Variants in CDH20 observed in about 807,000 individuals in gnomAD.
CDH20 encodes the protein cadherin 20, also known as cadherin-20.
Under a neutral mutation model 74.2 loss-of-function variants are expected in CDH20, and 29 were observed. The observed-to-expected ratio is 0.39, with a 90% confidence interval of 0.29 to 0.53. The LOEUF (loss-of-function observed/expected upper bound fraction) is 0.53, where lower values mean the gene tolerates loss of function less well. Ranked by LOEUF, CDH20 falls within the 20% of genes least tolerant of loss-of-function variation. The pLI, the probability that CDH20 is intolerant of heterozygous loss-of-function variation, is 0.69. For missense variants in CDH20, 988 were observed against 1,048.3 expected, an observed-to-expected ratio of 0.94 and a Z score of 0.79; for synonymous variants, 469 against 405.4, an observed-to-expected ratio of 1.16 and a Z score of -1.88.
intron 1 of CDH20, among the ~76,000 whole-genome samples, chr18:61,431,010 A>G (rs1599080324): frequency 6.6e-6 from 1 of 152,282 alleles, no homozygotes; most frequent in East Asian, 1.9e-4. Context: ...GATAGGAAAT[A>G]TATGTATATA....
chr18:61,433,348 T>G (rs1908721004), intron 1 of CDH20, among the ~76,000 whole-genome samples: 1 of 152,200 alleles, frequency 6.6e-6, no homozygotes, highest in Middle Eastern at 3.2e-3. Context: ...TAAATCTAGA[T>G]CTGTACTATC....
intron 1 of CDH20, among the ~76,000 whole-genome samples, chr18:61,432,471 A>G (rs1259606067): frequency 2.6e-5 from 4 of 152,044 alleles, no homozygotes; most frequent in African/African-American, 9.7e-5. Context: ...AACTCAAAAC[A>G]TGTTGCTAAA....
chr18:61,475,227 G>T (rs906795342), intron 1 of CDH20, among the ~76,000 whole-genome samples: 1 of 152,206 alleles, frequency 6.6e-6, no homozygotes, highest in Non-Finnish European at 1.5e-5. Context: ...ATCTGAGAAA[G>T]ACTTACAAGG....
intron 1 of CDH20, among the ~76,000 whole-genome samples, chr18:61,387,996 C>T (rs1219328134): frequency 6.6e-6 from 1 of 151,622 alleles, no homozygotes; most frequent in Admixed American, 6.6e-5. Flanking sequence ...ATTTAATGTT[C>T]TCTGCCCTTG....
In CDH20 at chr18:61,482,684, G is replaced by A. The variant is rs116310290; in HGVS notation, c.-152-7718G>A. Among the ~76,000 whole-genome samples, 448 of 151,956 alleles carry A rather than the reference G, an allele frequency of 2.9e-3. 5 individuals are homozygous for A. The highest frequency in any genetic ancestry group is 0.01 in the African/African-American group (418 of 41,440). ...ACATATATATATTTTAAATAGAGAC[G>A]GGGTCTTGCCCTGTTGCCCAGGCTG... On this transcript the variant is annotated intron_variant, in intron 1 of 11. Coordinates refer to ENST00000262717, the MANE Select transcript of CDH20 (RefSeq NM_031891.4).
chr18:61,555,081 T>G lies in CDH20; in HGVS notation c.*386T>G. ...GAGATGCCAATTGAAAGCAGAAAGT[T>G]CTACTCTCGTATCTGTTTTTTATCT... On this transcript the variant is annotated 3_prime_UTR_variant, in exon 12 of 12. Transcript: ENST00000262717. 5 of 1,048,774 alleles carry G rather than the reference T, an allele frequency of 4.8e-6. No individual in the cohort carries two copies. The highest frequency in any genetic ancestry group is 5.7e-6 in the Non-Finnish European group (5 of 870,404). 65.0% of individuals were successfully genotyped at this position (1,048,774 alleles called of 1,614,324 possible). A position where few individuals can be genotyped will look rare whatever the true frequency, so the allele number is the denominator to read the frequency against.
At chr18:61,453,552 T>C (rs1425663615) in intron 1 of CDH20, among the ~76,000 whole-genome samples, 1 of 152,226 alleles carries the variant, frequency 6.6e-6, no homozygotes, top group Non-Finnish European at 1.5e-5. Flanking sequence ...GTGCTGAGAT[T>C]ACAGGCGTGA....
At chr18:61,503,444 A>G (rs562733) in intron 5 of CDH20, among the ~76,000 whole-genome samples, 150,689 of 152,344 alleles carry the variant, frequency 0.99, 74,548 homozygotes, top group Middle Eastern at 1. Context: ...GGTAGAACTG[A>G]CCTTTAGTGG....
Position 61,499,823 on chromosome 18 carries a change from G to A in CDH20, c.541+343G>A, listed in dbSNP as rs190774985. Among the ~76,000 whole-genome samples, 184 of 152,218 alleles carry A rather than the reference G, an allele frequency of 1.2e-3. 1 individual carries two copies. The highest frequency in any genetic ancestry group is 4.4e-3 in the Admixed American group (68 of 15,292). ...TCAAAAGAGCAATAGGGTTAGGCGC[G>A]GTGGCTCACGCCTGTAATCCTAGAA... is the stretch of plus-strand genomic sequence containing the variant. On this transcript the variant is annotated intron_variant, in intron 3 of 11. Transcript: ENST00000262717.
chr18:61,434,183 A>C (rs1452871529), intron 1 of CDH20, among the ~76,000 whole-genome samples: 1 of 152,178 alleles, frequency 6.6e-6, no homozygotes, highest in Non-Finnish European at 1.5e-5. Flanking sequence ...AAATCAGTGA[A>C]AGGAGGCCTC....
intron 1 of CDH20, among the ~76,000 whole-genome samples, chr18:61,342,167 T>C (rs1327107698): frequency 1.3e-5 from 2 of 152,230 alleles, no homozygotes; most frequent in East Asian, 3.8e-4. Context: ...CCAAGTATTA[T>C]ACATTTCTCT....
intron 1 of CDH20, among the ~76,000 whole-genome samples, chr18:61,423,562 C>T (rs1912964652): frequency 6.6e-6 from 1 of 152,034 alleles, no homozygotes; most frequent in African/African-American, 2.4e-5. Flanking sequence ...GGCTGACTCT[C>T]TCTGGAAATT....
chr18:61,419,359 T>G (rs1453411029), intron 1 of CDH20, among the ~76,000 whole-genome samples: 1 of 152,178 alleles, frequency 6.6e-6, no homozygotes, highest in African/African-American at 2.4e-5. Flanking sequence ...ATATTTTCAG[T>G]TTAGGGCAAT....
In CDH20 at chr18:61,423,944, T is replaced by C. The variant is rs543551678; in HGVS notation, c.-152-66458T>C. Among the ~76,000 whole-genome samples the C allele has an allele frequency of 2.0e-5, 3 of 152,336 alleles. No individual in the cohort carries two copies. The East Asian group carries it at 5.8e-4, about 29-fold the overall frequency. On this transcript the variant is annotated intron_variant, in intron 1 of 11. Transcript: ENST00000262717. Reference sequence around the variant, plus strand: ...CCTTTCTAAATGTTTATATTTTTTCTAATTTTATCTTCCCTCATTCTCTGG... The same window carrying C: ...CCTTTCTAAATGTTTATATTTTTTCCAATTTTATCTTCCCTCATTCTCTGG...
chr18:61,554,781 A>G lies in CDH20; in HGVS notation c.*86A>G, dbSNP rs1913574715. On this transcript the variant is annotated 3_prime_UTR_variant, in exon 12 of 12. Coordinates refer to ENST00000262717, the MANE Select transcript of CDH20 (RefSeq NM_031891.4). ...CAAGGTGCAGCCAACCACACGAGCA[A>G]TACTGTGCTGGAGAGTGAGAATGGG... The G allele has an allele frequency of 6.8e-7, 1 of 1,467,072 alleles. No individual in the cohort carries two copies. Among genetic ancestry groups the G allele is most frequent in the Non-Finnish European group, 9.0e-7 (1 of 1,108,932 alleles). The allele number at this position is 1,467,072 out of a possible 1,614,324, so 90.9% of individuals were successfully genotyped here. A position where few individuals can be genotyped will look rare whatever the true frequency, so the allele number is the denominator to read the frequency against.
intron 1 of CDH20, among the ~76,000 whole-genome samples, chr18:61,462,120 C>T (rs74641213): frequency 0.012 from 1,759 of 152,208 alleles, 27 homozygotes; most frequent in Non-Finnish European, 0.013. Context: ...CCTTTTGTTA[C>T]TTAGGCGTGA....
chr18:61,464,452 C>T (rs1028400563), intron 1 of CDH20, among the ~76,000 whole-genome samples: 5 of 152,148 alleles, frequency 3.3e-5, no homozygotes, highest in Admixed American at 3.3e-4. Flanking sequence ...CCTTTGTCTC[C>T]ATTAAAAAAA....
intron 1 of CDH20, among the ~76,000 whole-genome samples, chr18:61,378,185 G>A (rs994970249): frequency 6.6e-6 from 1 of 152,138 alleles, no homozygotes; most frequent in Non-Finnish European, 1.5e-5. Flanking sequence ...TAATATAATA[G>A]GTGTATGAAA....
In CDH20 at chr18:61,550,105, C is replaced by T; in HGVS notation, c.1776C>T (p.Ile592=). ...TGAGCAGCACAGGCACACTGACCAT[C>T]CAAGTGTGCAGCTGTGATGACGACG... ...PVLSSTGTLT[I]QVCSCDDDGH... The change falls in exon 11 of 12, where the codon ATC becomes ATT. Residue 592 remains isoleucine (I), a synonymous_variant. Transcript: ENST00000262717. The T allele has an allele frequency of 6.2e-7, 1 of 1,614,252 alleles. No homozygotes were observed. Among genetic ancestry groups the T allele is most frequent in the Non-Finnish European group, 8.5e-7 (1 of 1,180,042 alleles).
Sources: allele counts gnomAD v4.1 joint callset (sites outside exome capture counted in the v4.1 genomes callset), GRCh38; gene constraint gnomAD v4.1.1; transcripts MANE v1.5; gene names NCBI Gene and HGNC (gene_info 2026-07-23, HGNC 2026-07-21).